The following NECAB1 variants were observed in gnomAD, a reference collection of about 807,000 sequenced individuals.
NECAB1 encodes N-terminal EF-hand calcium binding protein 1, also known as N-terminal EF-hand calcium-binding protein 1.
NECAB1 carries 29 observed loss-of-function variants against 57.5 expected under a neutral mutation model. The ratio of observed to expected loss-of-function variants is 0.50; its 90% CI spans 0.38 to 0.69. The LOEUF (loss-of-function observed/expected upper bound fraction) is 0.69. Ranked by LOEUF, NECAB1 falls within the 30% of genes least tolerant of loss-of-function variation. NECAB1 has a pLI of 0.00. For synonymous variants in NECAB1, 142 were observed against 147.7 expected (o/e 0.96, Z 0.28); for missense variants, 372 against 413.8 (o/e 0.90, Z 0.88).
intron 2 of NECAB1, among the ~76,000 whole-genome samples, chr8:90,817,301 T>C (rs1812074919): frequency 6.6e-6 from 1 of 151,750 alleles, no homozygotes; most frequent in African/African-American, 2.4e-5. Flanking sequence ...ATAATATATA[T>C]CCTTTATTTC....
intron 5 of NECAB1, among the ~76,000 whole-genome samples, chr8:90,915,631 A>G (rs1212149330): frequency 6.6e-6 from 1 of 152,206 alleles, no homozygotes; most frequent in Non-Finnish European, 1.5e-5. Flanking sequence ...AAGGGAGTTT[A>G]TTAAGGATAA....
At chr8:90,951,931 C>T (rs1467656878) in intron 12 of NECAB1, among the ~76,000 whole-genome samples, 2 of 152,026 alleles carry the variant, frequency 1.3e-5, no homozygotes, top group African/African-American at 4.8e-5. Flanking sequence ...GAGGAAGGGT[C>T]CTTTGGTAAA....
chr8:90,945,787 G>T (rs1247585260), intron 10 of NECAB1, among the ~76,000 whole-genome samples: 2 of 152,102 alleles, frequency 1.3e-5, no homozygotes, highest in Non-Finnish European at 2.9e-5. Context: ...GAATATTCAA[G>T]GTCTCCCAAA....
In NECAB1 at chr8:90,870,178, C is replaced by G. The variant is rs190684265; in HGVS notation, c.234-1950C>G. ...AGTCCTCCCCAGCCATGCTTCCTGA[C>G]AGTCTGTGGAATCATGAACCGATTA... On this transcript the variant is annotated intron_variant, in intron 3 of 12. Coordinates refer to ENST00000417640, the MANE Select transcript of NECAB1 (RefSeq NM_022351.5). Among the ~76,000 whole-genome samples, 220 of 152,282 alleles carry G rather than the reference C, an allele frequency of 1.4e-3. 3 individuals carry two copies. Among genetic ancestry groups the G allele is most frequent in the Non-Finnish European group, 1.2e-3 (83 of 68,010 alleles).
At chr8:90,871,787 A>G (rs115192190) in intron 3 of NECAB1, among the ~76,000 whole-genome samples, 390 of 152,282 alleles carry the variant, frequency 2.6e-3, no homozygotes, top group African/African-American at 8.8e-3. Flanking sequence ...AGAGATGTAA[A>G]GTAGCCAGAG....
intron 1 of NECAB1, among the ~76,000 whole-genome samples, chr8:90,794,333 G>A (rs997562261): frequency 3.3e-5 from 5 of 151,972 alleles, no homozygotes; most frequent in African/African-American, 9.7e-5. Context: ...ATATTCTATG[G>A]CACTAGCAAG....
At chr8:90,888,479 T>C (rs1468372127) in intron 5 of NECAB1, among the ~76,000 whole-genome samples, 2 of 152,208 alleles carry the variant, frequency 1.3e-5, no homozygotes, top group African/African-American at 2.4e-5. Flanking sequence ...GACTCATTTC[T>C]TTTGCCTGAA....
intron 3 of NECAB1, among the ~76,000 whole-genome samples, chr8:90,826,017 C>T (rs1452897791): frequency 6.6e-6 from 1 of 151,622 alleles, no homozygotes; most frequent in African/African-American, 2.4e-5. Context: ...GACCATAAGT[C>T]CCAAAAGGGA....
chr8:90,951,706 A>C (rs1277257807), intron 12 of NECAB1, among the ~76,000 whole-genome samples: 1 of 152,032 alleles, frequency 6.6e-6, no homozygotes, highest in Non-Finnish European at 1.5e-5. Flanking sequence ...CAAAATCCCT[A>C]CCCATAAAGT....
intron 5 of NECAB1, among the ~76,000 whole-genome samples, chr8:90,894,901 A>T (rs1809284274): frequency 6.6e-6 from 1 of 152,230 alleles, no homozygotes; most frequent in Non-Finnish European, 1.5e-5. Context: ...TAATAAGTGT[A>T]AGTGCTTCAT....
At chr8:90,805,803 A>C (rs1246236941) in intron 2 of NECAB1, among the ~76,000 whole-genome samples, 2 of 152,192 alleles carry the variant, frequency 1.3e-5, no homozygotes, top group Non-Finnish European at 2.9e-5. Context: ...TGATTAGATA[A>C]ATGTATACAT....
intron 2 of NECAB1, among the ~76,000 whole-genome samples, chr8:90,813,564 T>C (rs181995751): frequency 7.8e-4 from 119 of 152,280 alleles, no homozygotes; most frequent in Admixed American, 6.7e-3. Context: ...TCTCACTCTG[T>C]CACCCAGGCT....
Position 90,881,067 on chromosome 8 carries a change from T to C in NECAB1, c.294T>C (p.Asn98=). The C allele has an allele frequency of 3.1e-6, 5 of 1,607,044 alleles. No homozygotes were observed. The highest frequency in any genetic ancestry group is 3.4e-6 in the Non-Finnish European group (4 of 1,176,614). The change falls in exon 5 of 13, where the codon AAT becomes AAC. Residue 98 remains asparagine (N), a synonymous_variant. Transcript: ENST00000417640. ...YFSQHLGEYE[N]VLAALEDLNL... is the part of the protein sequence containing the mutation. ...CTCAGCACTTGGGCGAGTATGAGAA[T>C]GTACTAGCAGCACTTGAAGACCTGA...
At chr8:90,933,937 A>T (rs1213679141) in intron 8 of NECAB1, among the ~76,000 whole-genome samples, 1 of 152,200 alleles carries the variant, frequency 6.6e-6, no homozygotes, top group Non-Finnish European at 1.5e-5. Flanking sequence ...ACTCATTCAT[A>T]GCAAAATAAA....
rs778157802 is a variant in NECAB1, at chr8:90,940,793, T to C, written c.755T>C (p.Met252Thr). ...IIEGNTKSHI[M>T]LVQRQMSVIE... The stretch of plus-strand genomic sequence containing the variant: ...TCGCCCCTTCCTTGGCAGCACATCA[T>C]GCTTGTGCAGCGGCAGATGTCTGTG... Residue 252 changes from methionine to threonine, a missense_variant, in exon 10 of 13, where the codon ATG (methionine) becomes ACG (threonine). By Grantham distance (81) the Met-to-Thr change is moderately conservative (BLOSUM62 -1). Transcript: ENST00000417640. 69 of 1,558,822 alleles carry C rather than the reference T, an allele frequency of 4.4e-5. No homozygotes were observed. The highest frequency in any genetic ancestry group is 2.7e-4 in the Admixed American group (14 of 51,936).
chr8:90,917,951 TACAC>T (rs745796405), intron 6 of NECAB1, among the ~76,000 whole-genome samples: 4 of 40,728 alleles, frequency 9.8e-5, no homozygotes, highest in East Asian at 3.2e-3. Context: ...TGTATATATA[TACAC>T]ACACACATAT....
rs376681335 is a variant in NECAB1 at position 90,840,950 on chromosome 8, C to A, written c.233+16125C>A. Among the ~76,000 whole-genome samples, 308 of 121,554 alleles carry A rather than the reference C, an allele frequency of 2.5e-3. 2 individuals are homozygous for A. Among genetic ancestry groups the A allele is most frequent in the Admixed American group, 2.8e-3 (32 of 11,516 alleles). 79.7% of individuals were successfully genotyped at this position (121,554 alleles called of 152,430 possible). ...ACAAAATGGTAGTGGTAAATCTATTCAAAAAAAAAAAAAAAAAGTGACCAA... is the reference window on the plus strand; with the variant it reads ...ACAAAATGGTAGTGGTAAATCTATTAAAAAAAAAAAAAAAAAAGTGACCAA... On this transcript the variant is annotated intron_variant, in intron 3 of 12. Transcript: ENST00000417640.
At chr8:90,816,859 A>G (rs1812068158) in intron 2 of NECAB1, among the ~76,000 whole-genome samples, 2 of 151,626 alleles carry the variant, frequency 1.3e-5, no homozygotes, top group Admixed American at 6.6e-5. Context: ...CTTTCCTGGG[A>G]TTTTGGTTGA....
intron 6 of NECAB1, among the ~76,000 whole-genome samples, chr8:90,917,870 ATGTGTGTGTGTGCG>A (rs61475385): frequency 6.2e-4 from 40 of 64,264 alleles, no homozygotes; most frequent in East Asian, 4.6e-3. Context: ...ATATATATAT[ATGTGTGTGTGTGCG>A]TGTATATATA....
Sources: allele counts gnomAD v4.1 joint callset (sites outside exome capture counted in the v4.1 genomes callset), GRCh38; gene constraint gnomAD v4.1.1; transcripts MANE v1.5; gene names NCBI Gene and HGNC (gene_info 2026-07-23, HGNC 2026-07-21).